The following ALOX5 variants were observed in gnomAD, a reference collection of about 807,000 sequenced individuals.
ALOX5 encodes polyunsaturated fatty acid 5-lipoxygenase.
A neutral mutation model predicts 87.9 loss-of-function variants in ALOX5; 64 were observed. That is an observed-to-expected ratio of 0.73 (90% confidence interval 0.60 to 0.90). The LOEUF (loss-of-function observed/expected upper bound fraction) is 0.90. ALOX5 is among the 40% of genes least tolerant of loss of function. The probability of loss-of-function intolerance (pLI) is 0.00; values close to 1 mark genes in which losing one functional copy is unlikely to be tolerated. For missense variants in ALOX5, 822 were observed against 907.5 expected (o/e 0.91, Z 1.21); for synonymous variants, 388 against 355.1 (o/e 1.09, Z -1.04).
chr10:45,418,650 C>T (rs892586887), intron 4 of ALOX5, among the ~76,000 whole-genome samples: 4 of 152,142 alleles, frequency 2.6e-5, no homozygotes, highest in African/African-American at 9.7e-5. Flanking sequence ...TGGGCCCAGG[C>T]AGAGGTACGT....
At chr10:45,399,080 G>A (rs911771520) in intron 3 of ALOX5, among the ~76,000 whole-genome samples, 14 of 152,142 alleles carry the variant, frequency 9.2e-5, no homozygotes, top group Non-Finnish European at 1.9e-4. Flanking sequence ...TGGATGAATG[G>A]ATAAAATATA....
At chr10:45,395,784 C>G in intron 2 of ALOX5, 71 bp from the exon 3 acceptor site, 1 of 1,407,522 alleles carries the variant, frequency 7.1e-7, no homozygotes, top group Non-Finnish European at 1.0e-6. Context: ...CTGAGGGAAG[C>G]CTGAACACTT....
intron 7 of ALOX5, among the ~76,000 whole-genome samples, chr10:45,429,448 T>C (rs117258049): frequency 0.012 from 1,867 of 152,268 alleles, 23 homozygotes; most frequent in Middle Eastern, 0.034. Context: ...GTGGACACAA[T>C]AGCAGCTGGA....
At chr10:45,402,553 A>G (rs960134669) in intron 3 of ALOX5, among the ~76,000 whole-genome samples, 1 of 152,210 alleles carries the variant, frequency 6.6e-6, no homozygotes, top group African/African-American at 2.4e-5. Context: ...CTTGGGGTTG[A>G]TTAGACTTAA....
intron 2 of ALOX5, among the ~76,000 whole-genome samples, chr10:45,387,180 G>A (rs1199063290): frequency 6.6e-6 from 1 of 152,156 alleles, no homozygotes; most frequent in African/African-American, 2.4e-5. Context: ...TGGTCACACA[G>A]CTTCAGTGAC....
intron 6 of ALOX5, among the ~76,000 whole-genome samples, chr10:45,427,834 G>A (rs1332812125): frequency 6.6e-6 from 1 of 152,144 alleles, no homozygotes. Context: ...CGGCACGCTC[G>A]TTGCGTGTCG....
Position 45,444,190 on chromosome 10 carries a change from G to A in ALOX5, c.1749G>A (p.Val583=). Residue 583 remains valine (V), a synonymous_variant, in exon 13 of 14, where the codon GTG becomes GTA. Coordinates refer to ENST00000374391, the MANE Select transcript of ALOX5 (RefSeq NM_000698.5). ...RAPPPTAKGV[V]TIEQIVDTLP... is the part of the protein sequence containing the mutation. ...CGCCACCGACTGCCAAGGGCGTGGTGACCATTGAGCAGATCGTGGACACGC... is the reference window on the plus strand; with the variant it reads ...CGCCACCGACTGCCAAGGGCGTGGTAACCATTGAGCAGATCGTGGACACGC... 1.9e-6 allele frequency: 3 copies of A among 1,557,058 alleles called. No individual in the cohort carries two copies. In the South Asian group the frequency reaches 3.6e-5, roughly 18 times the overall value.
chr10:45,400,844 G>T (rs949211652), intron 3 of ALOX5, among the ~76,000 whole-genome samples: 2 of 151,972 alleles, frequency 1.3e-5, no homozygotes, highest in African/African-American at 2.4e-5. Flanking sequence ...TGTCCTCTGG[G>T]GATGAGATTA....
At chr10:45,419,429 A>G (rs1841422421) in intron 4 of ALOX5, among the ~76,000 whole-genome samples, 1 of 150,642 alleles carries the variant, frequency 6.6e-6, no homozygotes, top group Non-Finnish European at 1.5e-5. Context: ...ACTCCCGACA[A>G]GGGACGGGGG....
chr10:45,401,955 C>T (rs866845314), intron 3 of ALOX5, among the ~76,000 whole-genome samples: 5 of 151,920 alleles, frequency 3.3e-5, no homozygotes, highest in Non-Finnish European at 5.9e-5. Flanking sequence ...GGCGTGGTGG[C>T]GGGCGCCTGT....
chr10:45,429,038 C>A (rs568525956), intron 7 of ALOX5, among the ~76,000 whole-genome samples: 7 of 152,128 alleles, frequency 4.6e-5, no homozygotes, highest in African/African-American at 1.4e-4. Flanking sequence ...ACCAAGGGCC[C>A]CCAGTCAAGG....
At chr10:45,418,297 G>A (rs1254137380) in intron 4 of ALOX5, among the ~76,000 whole-genome samples, 1 of 152,072 alleles carries the variant, frequency 6.6e-6, no homozygotes, top group Non-Finnish European at 1.5e-5. Flanking sequence ...GGTGGGGGTT[G>A]GGGGGACCCT....
At chr10:45,389,781 T>C (rs1840144195) in intron 2 of ALOX5, among the ~76,000 whole-genome samples, 1 of 152,156 alleles carries the variant, frequency 6.6e-6, no homozygotes, top group South Asian at 2.1e-4. Context: ...AGAAACTGCA[T>C]CAACTAATGA....
intron 13 of ALOX5, among the ~76,000 whole-genome samples, chr10:45,445,111 T>G (rs1363070544): frequency 6.6e-6 from 1 of 152,258 alleles, no homozygotes; most frequent in African/African-American, 2.4e-5. Flanking sequence ...TCTGCCTTCC[T>G]GGGCTGGAGA....
intron 1 of ALOX5, among the ~76,000 whole-genome samples, chr10:45,374,999 G>A (rs144309811): frequency 6.6e-6 from 1 of 152,316 alleles, no homozygotes; most frequent in East Asian, 1.9e-4. Flanking sequence ...CTGGGCCTCA[G>A]TTTCCCCAGC....
chr10:45,408,121 G>T (rs1840945225), intron 3 of ALOX5, among the ~76,000 whole-genome samples: 1 of 151,976 alleles, frequency 6.6e-6, no homozygotes, highest in African/African-American at 2.4e-5. Context: ...TTTACTCCTT[G>T]CATATTACAT....
At chr10:45,419,380 G>C (rs1255509399) in intron 4 of ALOX5, among the ~76,000 whole-genome samples, 1 of 152,152 alleles carries the variant, frequency 6.6e-6, no homozygotes, top group Non-Finnish European at 1.5e-5. Context: ...TGGGTTGAGA[G>C]CGCTGCGCAG....
At chr10:45,406,536 T>A (rs1432992952) in intron 3 of ALOX5, among the ~76,000 whole-genome samples, 2 of 152,228 alleles carry the variant, frequency 1.3e-5, no homozygotes, top group Non-Finnish European at 2.9e-5. Flanking sequence ...CCTCTCTAGA[T>A]CCTGTGTCAA....
chr10:45,378,764 G>T (rs895478120), intron 1 of ALOX5, among the ~76,000 whole-genome samples: 1 of 152,168 alleles, frequency 6.6e-6, no homozygotes, highest in African/African-American at 2.4e-5. Context: ...TTGGGTCAAG[G>T]CTGGAGCCCT....
Sources: allele counts gnomAD v4.1 joint callset (sites outside exome capture counted in the v4.1 genomes callset), GRCh38; gene constraint gnomAD v4.1.1; transcripts MANE v1.5; gene names NCBI Gene and HGNC (gene_info 2026-07-23, HGNC 2026-07-21).